Variants in CEACAM7 observed in about 807,000 individuals in gnomAD.
The protein encoded by CEACAM7 is CEA cell adhesion molecule 7.
CEACAM7 carries 24 observed loss-of-function variants against 25.7 expected under a neutral mutation model. The ratio of observed to expected loss-of-function variants is 0.93; its 90% CI spans 0.68 to 1.31. The LOEUF (loss-of-function observed/expected upper bound fraction) is 1.31. CEACAM7 is among the 40% of genes most tolerant of loss of function. CEACAM7 has a pLI of 0.00. For synonymous variants in CEACAM7, 144 were observed against 129.4 expected (o/e 1.11, Z -0.77); for missense variants, 324 against 330.1 (o/e 0.98, Z 0.14).
intron 3 of CEACAM7, among the ~76,000 whole-genome samples, chr19:41,681,553 G>C (rs1293274595): frequency 6.6e-5 from 10 of 152,106 alleles, no homozygotes; most frequent in Admixed American, 5.9e-4. Context: ...GATAAGTCAA[G>C]AGGCAAAATG....
In CEACAM7 at chr19:41,683,921, G is replaced by C; in HGVS notation, c.570C>G (p.Pro190=). 6.2e-7 allele frequency: 1 copy of C among 1,614,206 alleles called. No homozygotes were observed. The highest frequency in any genetic ancestry group is 8.5e-7 in the Non-Finnish European group (1 of 1,180,028). Residue 190 remains proline, a synonymous_variant, in exon 3 of 5, where the codon CCC becomes CCG. Coordinates refer to ENST00000401731, the MANE Select transcript of CEACAM7 (RefSeq NM_001291485.2). ...WVNNQSLLVS[P]RLLLSTDNRT... ...TGTTGTCAGTGGAGAGCAGCAGCCT[G>C]GGACTGACCAGGAGGCTCTGATTGT...
chr19:41,681,642 C>G (rs1207122531), intron 3 of CEACAM7, among the ~76,000 whole-genome samples: 1 of 152,214 alleles, frequency 6.6e-6, no homozygotes, highest in South Asian at 2.1e-4. Flanking sequence ...TTTACACACT[C>G]ATGAGACTCA....
intron 3 of CEACAM7, among the ~76,000 whole-genome samples, chr19:41,682,309 T>C (rs4803499): frequency 0.015 from 2,247 of 151,446 alleles, 41 homozygotes; most frequent in Admixed American, 0.058. Context: ...TATGAATATA[T>C]AGTGGCTGGT....
chr19:41,685,477 T>A (rs1014311220), intron 2 of CEACAM7, among the ~76,000 whole-genome samples: 4 of 152,028 alleles, frequency 2.6e-5, no homozygotes, highest in Non-Finnish European at 5.9e-5. Flanking sequence ...AGGGAACAGG[T>A]GCCAGAGCCT....
chr19:41,686,563 A>T (rs1407851366), intron 2 of CEACAM7, among the ~76,000 whole-genome samples: 3 of 152,108 alleles, frequency 2.0e-5, no homozygotes, highest in African/African-American at 7.2e-5. Flanking sequence ...CCAGTTCTCC[A>T]GGGTCTTTTT....
chr19:41,676,685 A>G (rs2072116893), intron 4 of CEACAM7, among the ~76,000 whole-genome samples: 1 of 152,342 alleles, frequency 6.6e-6, no homozygotes, highest in East Asian at 1.9e-4. Flanking sequence ...TACTAATGCT[A>G]CCGTCTTTGT....
chr19:41,687,064 A>G lies in CEACAM7; in HGVS notation c.222T>C (p.His74=). Residue 74 remains histidine, a synonymous_variant, in exon 2 of 5, where the codon CAT becomes CAC. Coordinates refer to ENST00000401731, the MANE Select transcript of CEACAM7 (RefSeq NM_001291485.2). ...CATATCCTATAATTCGATAGTTGGC[A>G]TGCACCCTTTCCCCTTTGTACCAGT... ...GYNWYKGERV[H]ANYRIIGYVK... is the part of the protein sequence containing the mutation. 1.2e-6 allele frequency: 2 copies of G among 1,614,042 alleles called. No homozygotes were observed. Among genetic ancestry groups the G allele is most frequent in the Non-Finnish European group, 1.7e-6 (2 of 1,180,012 alleles).
At chr19:41,685,561 C>T (rs1555811111) in intron 2 of CEACAM7, among the ~76,000 whole-genome samples, 2 of 152,150 alleles carry the variant, frequency 1.3e-5, no homozygotes, top group East Asian at 3.9e-4. Context: ...TTCCCTCCCT[C>T]CTTCATGAGA....
In CEACAM7 at chr19:41,688,096, CCT is replaced by C. The variant is rs781965279; in HGVS notation, c.64+4_64+5del. On this transcript the variant is annotated splice_donor_5th_base_variant and intron_variant, in intron 1 of 4. Coordinates refer to ENST00000401731, the MANE Select transcript of CEACAM7 (RefSeq NM_001291485.2). ...CCCACCCACTCCCAGGAAGTCCTCCCCTCACCTGTGAGCAGGAGCCCCTGCCA... is the reference window on the plus strand; with the variant it reads ...CCCACCCACTCCCAGGAAGTCCTCCCCACCTGTGAGCAGGAGCCCCTGCCA... 1 of 1,609,768 alleles carries C rather than the reference CCT, an allele frequency of 6.2e-7. No homozygotes were observed.
chr19:41,676,253 T>A (rs1261381769), intron 4 of CEACAM7, among the ~76,000 whole-genome samples: 1 of 152,230 alleles, frequency 6.6e-6, no homozygotes, highest in African/African-American at 2.4e-5. Context: ...AAATCAGTTG[T>A]TCTTTTAAAA....
chr19:41,687,356 A>G, intron 1 of CEACAM7, 135 bp from the exon 2 acceptor site: 1 of 844,192 alleles, frequency 1.2e-6, no homozygotes. Flanking sequence ...TGTGTGTCCT[A>G]CTGGATCAAT....
At chr19:41,678,040 C>G (rs2072133401) in intron 3 of CEACAM7, among the ~76,000 whole-genome samples, 1 of 151,968 alleles carries the variant, frequency 6.6e-6, no homozygotes, top group African/African-American at 2.4e-5. Flanking sequence ...CTAAAACTTT[C>G]TTTTTTTTCT....
Position 41,683,905 on chromosome 19 carries a change from T to A in CEACAM7, c.586A>T (p.Thr196Ser), listed in dbSNP as rs1555810933. The A allele has an allele frequency of 1.2e-6, 2 of 1,614,158 alleles. No homozygotes were observed. The highest frequency in any genetic ancestry group is 8.5e-7 in the Non-Finnish European group (1 of 1,180,016). ...LLVSPRLLLS[T>S]DNRTLVLLSA... ...AGTAGAACGAGGGTCCTGTTGTCAG[T>A]GGAGAGCAGCAGCCTGGGACTGACC... The change falls in exon 3 of 5, where the codon ACT becomes TCT. Residue 196 changes from threonine to serine, a missense_variant. Physicochemically the swap from Thr to Ser is moderately conservative, Grantham distance 58 (BLOSUM62 1). Coordinates refer to ENST00000401731, the MANE Select transcript of CEACAM7 (RefSeq NM_001291485.2).
rs375350174 is a variant in CEACAM7, at chr19:41,687,229, G to T, written c.65-8C>A. 6.3e-7 allele frequency: 1 copy of T among 1,584,114 alleles called. No homozygotes were observed. Among genetic ancestry groups the T allele is most frequent in the Admixed American group, 1.8e-5 (1 of 55,774 alleles). ...AGAAGGTTAAAAGCGAGGCTAGGAG[G>T]GGGAGAGAACATCAGTCAATATTGG... On this transcript the variant is annotated splice_polypyrimidine_tract_variant and splice_region_variant and intron_variant, in intron 1 of 4. Transcript: ENST00000401731.
At chr19:41,675,125 C>T (rs2072101526) in intron 4 of CEACAM7, among the ~76,000 whole-genome samples, 1 of 152,204 alleles carries the variant, frequency 6.6e-6, no homozygotes, top group Non-Finnish European at 1.5e-5. Context: ...CCAAATATGA[C>T]ATCCCAGCCA....
chr19:41,679,864 T>C (rs1312880431), intron 3 of CEACAM7, among the ~76,000 whole-genome samples: 3 of 145,542 alleles, frequency 2.1e-5, no homozygotes, highest in African/African-American at 7.6e-5. Context: ...TGCAGTAGCA[T>C]GATCTCGGCT....
chr19:41,675,790 C>A (rs73545138), intron 4 of CEACAM7, among the ~76,000 whole-genome samples: 1,808 of 152,306 alleles, frequency 0.012, 39 homozygotes, highest in African/African-American at 0.041. Flanking sequence ...TTGGTTATTT[C>A]TGTGGCATGT....
chr19:41,687,673 T>G (rs1555811385), intron 1 of CEACAM7, among the ~76,000 whole-genome samples: 1 of 152,218 alleles, frequency 6.6e-6, no homozygotes, highest in Non-Finnish European at 1.5e-5. Flanking sequence ...TGAACTGGAT[T>G]GCACCCCAGT....
At chr19:41,676,205 T>C (rs2072112341) in intron 4 of CEACAM7, among the ~76,000 whole-genome samples, 1 of 152,214 alleles carries the variant, frequency 6.6e-6, no homozygotes, top group South Asian at 2.1e-4. Context: ...TTGGTCCCAC[T>C]CTAGACCATT....
Sources: gnomAD v4.1 joint callset for allele counts (sites outside exome capture counted in the v4.1 genomes callset) on GRCh38, gnomAD v4.1.1 for gene constraint, MANE v1.5 for transcripts, NCBI Gene and HGNC (gene_info 2026-07-23, HGNC 2026-07-21) for gene names.